Variants in MYOF observed in about 807,000 individuals in gnomAD.
MYOF encodes the protein myoferlin.
MYOF carries 244 observed loss-of-function variants against 284.2 expected under a neutral mutation model. The observed-to-expected ratio is 0.86, with a 90% CI of 0.77 to 0.95. MYOF has a LOEUF of 0.95. Among genes scored for constraint, MYOF ranks in the 40% least tolerant of loss-of-function variants. The pLI, the probability that MYOF is intolerant of heterozygous loss-of-function variation, is 0.00. For missense variants in MYOF, 2,496 were observed against 2,560.6 expected, an observed-to-expected ratio of 0.97 and a Z score of 0.54; for synonymous variants, 904 against 919.7, an observed-to-expected ratio of 0.98 and a Z score of 0.31.
In MYOF at chr10:93,396,136, A is replaced by G. The variant is rs750522055; in HGVS notation, c.1417+6T>C. ...AGTCTTGTTCTAGATCTGTTGAGTG[A>G]CTTACCTTCCACTTCCCCACCAGAG... On this transcript the variant is annotated splice_donor_region_variant and intron_variant, in intron 16 of 53. Coordinates refer to ENST00000359263, the MANE Select transcript of MYOF (RefSeq NM_013451.4). 3.1e-5 allele frequency: 50 copies of G among 1,600,720 alleles called. No individual in the cohort carries two copies. Among genetic ancestry groups the G allele is most frequent in the Non-Finnish European group, 4.1e-5 (48 of 1,170,532 alleles).
chr10:93,450,535 C>T (rs1480576454), intron 3 of MYOF, among the ~76,000 whole-genome samples: 1 of 152,220 alleles, frequency 6.6e-6, no homozygotes, highest in East Asian at 1.9e-4. Flanking sequence ...GATTGCGCCA[C>T]TGCACTCCAG....
chr10:93,312,129 T>C (rs1168827964), intron 51 of MYOF, among the ~76,000 whole-genome samples: 1 of 152,280 alleles, frequency 6.6e-6, no homozygotes, highest in Non-Finnish European at 1.5e-5. Flanking sequence ...GAATGTAAGG[T>C]ACTTGGCATG....
At chr10:93,319,128 C>T (rs548337873) in intron 49 of MYOF, among the ~76,000 whole-genome samples, 1 of 152,310 alleles carries the variant, frequency 6.6e-6, no homozygotes, top group African/African-American at 2.4e-5. Flanking sequence ...AAAGCAGAGA[C>T]ATTGAGGCCC....
At chr10:93,457,425 A>G (rs2056769794) in intron 1 of MYOF, among the ~76,000 whole-genome samples, 1 of 151,860 alleles carries the variant, frequency 6.6e-6, no homozygotes, top group Non-Finnish European at 1.5e-5. Flanking sequence ...ATTAAGCTGG[A>G]CTCCCTCCCA....
At chr10:93,463,735 A>T (rs1332138321) in intron 1 of MYOF, among the ~76,000 whole-genome samples, 3 of 151,898 alleles carry the variant, frequency 2.0e-5, no homozygotes. Context: ...AACCAGGCAT[A>T]CTGGCATGCA....
At chr10:93,478,472 T>G (rs943058589) in intron 1 of MYOF, 1 of 157,404 alleles carries the variant, frequency 6.4e-6, no homozygotes, top group African/African-American at 2.4e-5. Context: ...GCACCAGGAC[T>G]ACAGCAACCC....
At chr10:93,426,918 C>T (rs1287995251) in intron 4 of MYOF, among the ~76,000 whole-genome samples, 2 of 129,250 alleles carry the variant, frequency 1.5e-5, no homozygotes, top group Non-Finnish European at 3.2e-5. Flanking sequence ...GACAGAGTCT[C>T]ACTCTGTCGC....
intron 16 of MYOF, among the ~76,000 whole-genome samples, chr10:93,393,896 A>G (rs1285905575): frequency 2.6e-5 from 4 of 152,246 alleles, no homozygotes; most frequent in African/African-American, 9.6e-5. Context: ...TTAAAAATCA[A>G]AATACAATAA....
chr10:93,351,332 T>C, intron 34 of MYOF, 37 bp from the exon 35 acceptor site: 1 of 1,609,180 alleles, frequency 6.2e-7, no homozygotes, highest in Non-Finnish European at 8.5e-7. Context: ...TGCCTCACTT[T>C]AGTTCAAGCA....
At chr10:93,359,332 T>C (rs769641979) in intron 29 of MYOF, among the ~76,000 whole-genome samples, 36 of 142,572 alleles carry the variant, frequency 2.5e-4, no homozygotes, top group East Asian at 1.4e-3. Flanking sequence ...CCACTTATTA[T>C]TGAGTGTTAC....
intron 18 of MYOF, among the ~76,000 whole-genome samples, chr10:93,388,229 T>TG (rs371731245): frequency 1.4e-4 from 2 of 14,694 alleles, no homozygotes; most frequent in African/African-American, 5.3e-4. Context: ...AGGTGGGGGG[T>TG]GGGGGGTGGA....
chr10:93,407,370 A>G (rs1847644448), intron 7 of MYOF, among the ~76,000 whole-genome samples: 1 of 141,034 alleles, frequency 7.1e-6, no homozygotes, highest in Non-Finnish European at 1.5e-5. Context: ...GGAGGTTGCA[A>G]TGAGCTGAGA....
intron 19 of MYOF, 123 bp downstream of exon 19, chr10:93,387,674 G>GT: frequency 1.3e-6 from 1 of 758,992 alleles, no homozygotes; most frequent in Non-Finnish European, 2.3e-6. Flanking sequence ...TAGGGCTGTT[G>GT]TAGAAACATC....
chr10:93,478,860 G>GAAAGAAAGAAAGAAAGAAAGAAA (rs1421937106), intron 1 of MYOF, among the ~76,000 whole-genome samples: 71 of 145,724 alleles, frequency 4.9e-4, no homozygotes, highest in Admixed American at 5.5e-4. Flanking sequence ...AAGAAAGAAA[G>GAAAGAAAGAAAGAAAGAAAGAAA]GGTTTGAACA....
rs1268919529 is a variant in MYOF, at chr10:93,372,995, A to T, written c.2392T>A (p.Tyr798Asn). The T allele has an allele frequency of 4.3e-6, 7 of 1,614,084 alleles. No individual in the cohort carries two copies. Among genetic ancestry groups the T allele is most frequent in the Middle Eastern group, 3.3e-4 (2 of 6,084 alleles). The part of the protein sequence containing the change: ...YARIPAHQVL[Y>N]STSGENASGK... The stretch of plus-strand genomic sequence containing the variant: ...GATGCATTCTCACCACTGGTGGAGT[A>T]CAAGACCTGATGTGCGGGAATTCGT... The change falls in exon 24 of 54, where the codon TAC becomes AAC. Residue 798 changes from tyrosine to asparagine, a missense_variant. Tyr to Asn is a moderately radical substitution (Grantham distance 143). Transcript: ENST00000359263.
Position 93,431,462 on chromosome 10 carries a change from T to C in MYOF, c.291A>G (p.Arg97=). 1 of 1,614,124 alleles carries C rather than the reference T, an allele frequency of 6.2e-7. No homozygotes were observed. Among genetic ancestry groups the C allele is most frequent in the African/African-American group, 1.3e-5 (1 of 75,038 alleles). Residue 97 remains arginine (R), a synonymous_variant, in exon 4 of 54, where the codon AGA becomes AGG. Coordinates refer to ENST00000359263, the MANE Select transcript of MYOF (RefSeq NM_013451.4). ...ALKDLTGDQS[R]SLPYKLISLL... ...GGGAGATCAGCTTGTACGGCAGGGA[T>C]CTGCTCTGGTCACCAGTCAGGTCCT...
chr10:93,347,882 A>G (rs1844307001), intron 36 of MYOF, 100 bp from the exon 37 acceptor site: 2 of 1,196,290 alleles, frequency 1.7e-6, no homozygotes, highest in Non-Finnish European at 2.3e-6. Flanking sequence ...TCTGCCACAC[A>G]GCCCAGAGGA....
At chr10:93,392,297 G>A (rs371884175) in intron 17 of MYOF, among the ~76,000 whole-genome samples, 3 of 151,730 alleles carry the variant, frequency 2.0e-5, no homozygotes, top group African/African-American at 7.3e-5. Context: ...ATGGCAGGGC[G>A]AATCATGCTT....
At chr10:93,399,573 C>T in intron 12 of MYOF, 78 bp from the exon 13 acceptor site, 1 of 1,005,972 alleles carries the variant, frequency 9.9e-7, no homozygotes, top group Non-Finnish European at 1.5e-6. Context: ...TTCTCTTATA[C>T]ATCAAAATAG....
Sources: gnomAD v4.1 joint callset for allele counts (sites outside exome capture counted in the v4.1 genomes callset) on GRCh38, gnomAD v4.1.1 for gene constraint, MANE v1.5 for transcripts, NCBI Gene and HGNC (gene_info 2026-07-23, HGNC 2026-07-21) for gene names.